The following NKAIN2 variants were observed in gnomAD, a reference collection of about 807,000 sequenced individuals.
NKAIN2 encodes sodium/potassium-transporting ATPase subunit beta-1-interacting protein 2.
In NKAIN2, 14 loss-of-function variants were observed where a neutral mutation model predicts 32.6. The observed-to-expected ratio is 0.43, with a 90% CI of 0.28 to 0.67. The LOEUF (loss-of-function observed/expected upper bound fraction) is 0.67, where lower values mean the gene tolerates loss of function less well. Among genes scored for constraint, NKAIN2 ranks in the 30% least tolerant of loss-of-function variants. The pLI is 0.17. For missense variants in NKAIN2, 198 were observed against 258.3 expected, an observed-to-expected ratio of 0.77 and a Z score of 1.60; for synonymous variants, 80 against 87.2, an observed-to-expected ratio of 0.92 and a Z score of 0.46.
intron 2 of NKAIN2, 58 bp from the exon 3 acceptor site, chr6:124,355,209 A>C: frequency 8.7e-7 from 1 of 1,148,080 alleles, no homozygotes; most frequent in East Asian, 2.4e-5. Context: ...TTTTATTTGA[A>C]TCATACTCAA....
chr6:124,602,903 G>C (rs547634080), intron 3 of NKAIN2, among the ~76,000 whole-genome samples: 1 of 151,960 alleles, frequency 6.6e-6, no homozygotes, highest in South Asian at 2.1e-4. Context: ...TGCTGCTGAA[G>C]ATATTTGATC....
At chr6:124,726,774 A>G (rs1375265579) in intron 4 of NKAIN2, among the ~76,000 whole-genome samples, 3 of 142,546 alleles carry the variant, frequency 2.1e-5, no homozygotes, top group Non-Finnish European at 4.5e-5. Context: ...ATGGGAGGAC[A>G]TTCAAACCAA....
chr6:124,102,933 C>A (rs534545739), intron 1 of NKAIN2, among the ~76,000 whole-genome samples: 2 of 151,952 alleles, frequency 1.3e-5, no homozygotes, highest in Admixed American at 1.3e-4. Context: ...GTTTTTTGAT[C>A]GATCGATTAT....
intron 1 of NKAIN2, chr6:124,121,968 C>T: frequency 1.1e-6 from 1 of 881,554 alleles, no homozygotes; most frequent in Non-Finnish European, 1.6e-6. Flanking sequence ...AATATTTTTC[C>T]ATTTGTGTCT....
intron 1 of NKAIN2, among the ~76,000 whole-genome samples, chr6:124,164,221 T>G (rs940961632): frequency 1.3e-5 from 2 of 152,046 alleles, no homozygotes; most frequent in Admixed American, 1.3e-4. Flanking sequence ...TACTTTCATT[T>G]TTTGCCACGG....
At chr6:124,719,470 C>A (rs999489198) in intron 4 of NKAIN2, among the ~76,000 whole-genome samples, 3 of 152,172 alleles carry the variant, frequency 2.0e-5, no homozygotes, top group Admixed American at 2.0e-4. Context: ...CAGCCATTAG[C>A]AAATTCTCTA....
In NKAIN2 at chr6:123,953,715, C is replaced by A. The variant is rs554982296; in HGVS notation, c.54+149461C>A. ...TGGACACCTTTGAGTTGGAGCCAGG[C>A]CTAGTAGACCTTTTGTCAGGTCCCA... On this transcript the variant is annotated intron_variant, in intron 1 of 6. Transcript: ENST00000368417. Among the ~76,000 whole-genome samples the A allele has an allele frequency of 2.0e-5, 3 of 152,244 alleles. No homozygotes were observed. In the South Asian group the frequency reaches 6.2e-4, roughly 32 times the overall value.
chr6:124,688,179 CTAAG>C (rs1208365141), intron 4 of NKAIN2, among the ~76,000 whole-genome samples: 5 of 151,964 alleles, frequency 3.3e-5, no homozygotes, highest in African/African-American at 7.3e-5. Context: ...AACAGTATAA[CTAAG>C]TGTTAATCCG....
intron 4 of NKAIN2, among the ~76,000 whole-genome samples, chr6:124,680,969 C>G (rs1773594789): frequency 2.0e-5 from 3 of 151,902 alleles, no homozygotes; most frequent in South Asian, 4.2e-4. Context: ...AAATATGCAA[C>G]TAGATAGTAG....
intron 3 of NKAIN2, among the ~76,000 whole-genome samples, chr6:124,477,707 C>T (rs1777279329): frequency 1.6e-4 from 1 of 6,102 alleles, no homozygotes; most frequent in African/African-American, 8.4e-4. Flanking sequence ...CCTCTCCCTC[C>T]CCCTTACTCT....
At chr6:123,852,017 A>C (rs1378448542) in intron 1 of NKAIN2, among the ~76,000 whole-genome samples, 1 of 152,170 alleles carries the variant, frequency 6.6e-6, no homozygotes, top group Non-Finnish European at 1.5e-5. Context: ...CATATCAAAA[A>C]AATTATTGCC....
chr6:124,286,751 C>T (rs942060582), intron 2 of NKAIN2, among the ~76,000 whole-genome samples: 4 of 151,472 alleles, frequency 2.6e-5, no homozygotes, highest in South Asian at 2.1e-4. Context: ...GTACGGTCTC[C>T]GCTCACTGCA....
chr6:124,429,452 C>T (rs1775119031), intron 3 of NKAIN2, among the ~76,000 whole-genome samples: 1 of 152,172 alleles, frequency 6.6e-6, no homozygotes, highest in Non-Finnish European at 1.5e-5. Context: ...GAAGTCTCTC[C>T]TCTGTGTTCC....
chr6:124,193,192 T>A (rs1790118982), intron 1 of NKAIN2, among the ~76,000 whole-genome samples: 1 of 152,210 alleles, frequency 6.6e-6, no homozygotes, highest in African/African-American at 2.4e-5. Context: ...GTGGTGCCTC[T>A]GCCCGAGTTT....
intron 3 of NKAIN2, among the ~76,000 whole-genome samples, chr6:124,409,393 T>G (rs1273065373): frequency 2.0e-5 from 3 of 150,472 alleles, no homozygotes; most frequent in South Asian, 2.1e-4. Context: ...ATTGAGAGTT[T>G]TTAGCATGAA....
At chr6:124,274,519 T>C (rs1166587229) in intron 1 of NKAIN2, among the ~76,000 whole-genome samples, 28 of 152,132 alleles carry the variant, frequency 1.8e-4, no homozygotes, top group Non-Finnish European at 2.9e-5. Context: ...GTTCAGTTGC[T>C]AATGATATGT....
At chr6:123,888,667 T>A (rs970086135) in intron 1 of NKAIN2, among the ~76,000 whole-genome samples, 3 of 152,270 alleles carry the variant, frequency 2.0e-5, no homozygotes, top group African/African-American at 7.2e-5. Flanking sequence ...CGCATTTTTT[T>A]AAAAAGCAAC....
intron 2 of NKAIN2, among the ~76,000 whole-genome samples, chr6:124,312,684 A>T (rs1796773510): frequency 6.6e-6 from 1 of 152,016 alleles, no homozygotes; most frequent in Non-Finnish European, 1.5e-5. Flanking sequence ...TTTTATGGAG[A>T]CTTCATTGGC....
At chr6:124,040,431 T>G (rs1407286756) in intron 1 of NKAIN2, among the ~76,000 whole-genome samples, 1 of 152,016 alleles carries the variant, frequency 6.6e-6, no homozygotes, top group Non-Finnish European at 1.5e-5. Flanking sequence ...AATTTTCTTC[T>G]GAATACTGCT....
Sources: gnomAD v4.1 joint callset for allele counts (sites outside exome capture counted in the v4.1 genomes callset) on GRCh38, gnomAD v4.1.1 for gene constraint, MANE v1.5 for transcripts, NCBI Gene and HGNC (gene_info 2026-07-23, HGNC 2026-07-21) for gene names.